Variants in PTPN4 observed in about 807,000 individuals in gnomAD.
PTPN4 encodes protein tyrosine phosphatase non-receptor type 4.
A neutral mutation model predicts 135.5 loss-of-function variants in PTPN4; 49 were observed. That is an observed-to-expected ratio of 0.36 (90% CI 0.29 to 0.46). The LOEUF (loss-of-function observed/expected upper bound fraction) is 0.46. PTPN4 is among the 20% of genes least tolerant of loss of function. The pLI, the probability that PTPN4 is intolerant of heterozygous loss-of-function variation, is 1.00. For synonymous variants in PTPN4, 333 were observed against 369.9 expected, an observed-to-expected ratio of 0.90 and a Z score of 1.14; for missense variants, 860 against 1,101.0, an observed-to-expected ratio of 0.78 and a Z score of 3.10.
chr2:119,958,797 T>C (rs1237481349), intron 22 of PTPN4, among the ~76,000 whole-genome samples: 2 of 152,206 alleles, frequency 1.3e-5, no homozygotes, highest in East Asian at 1.9e-4. Flanking sequence ...ATTTAACTCA[T>C]AGTCAACAGC....
chr2:119,843,065 TTGTC>T (rs1416788496), intron 2 of PTPN4, among the ~76,000 whole-genome samples: 2 of 152,232 alleles, frequency 1.3e-5, no homozygotes, highest in African/African-American at 4.8e-5. Flanking sequence ...AAAATGATTC[TTGTC>T]TGTCTATTGA....
intron 1 of PTPN4, among the ~76,000 whole-genome samples, chr2:119,801,917 T>TTC (rs1425432246): frequency 2.0e-5 from 3 of 148,716 alleles, no homozygotes; most frequent in Non-Finnish European, 4.5e-5. Context: ...TTTTTTTTTT[T>TTC]TTTGAGGCAG....
intron 9 of PTPN4, among the ~76,000 whole-genome samples, chr2:119,900,251 G>A (rs917064232): frequency 6.6e-6 from 1 of 151,908 alleles, no homozygotes; most frequent in Non-Finnish European, 1.5e-5. Flanking sequence ...TTAGTTATAG[G>A]ACGTCTCATT....
At chr2:119,945,033 C>T (rs780461555) in intron 15 of PTPN4, 48 bp from the exon 16 acceptor site, 2 of 1,535,240 alleles carry the variant, frequency 1.3e-6, no homozygotes, top group East Asian at 2.4e-5. Context: ...TTGACCCTAA[C>T]TTTTAAAAAA....
chr2:119,977,067 A>T lies in PTPN4; in HGVS notation c.2778A>T (p.Lys926Asn). 1 of 1,595,832 alleles carries T rather than the reference A, an allele frequency of 6.3e-7. No homozygotes were observed. The highest frequency in any genetic ancestry group is 8.5e-7 in the Non-Finnish European group (1 of 1,174,924). Residue 926 changes from lysine to asparagine, a missense_variant, in exon 27 of 27, where the codon AAA becomes AAT. Transcript: ENST00000263708. ...FVKPLTTSTN[K>N] is the part of the protein sequence containing the mutation. ...AACCCTTAACAACATCAACAAATAA[A>T]TAAGAAAGCAAAAAGATCTGGGATA... is the stretch of plus-strand genomic sequence containing the variant.
intron 18 of PTPN4, among the ~76,000 whole-genome samples, chr2:119,948,947 CTTATAA>C (rs1387205791): frequency 5.9e-5 from 9 of 151,862 alleles, no homozygotes; most frequent in South Asian, 4.2e-4. Flanking sequence ...ATATATTGCT[CTTATAA>C]TTAGAAAAGA....
intron 2 of PTPN4, among the ~76,000 whole-genome samples, chr2:119,830,860 C>T (rs1312393865): frequency 6.6e-6 from 1 of 152,152 alleles, no homozygotes; most frequent in Non-Finnish European, 1.5e-5. Context: ...TCCCCAGAAG[C>T]CAAGCAGATG....
At chr2:119,955,791 G>A (rs1388917201) in intron 20 of PTPN4, among the ~76,000 whole-genome samples, 22 of 151,960 alleles carry the variant, frequency 1.4e-4, no homozygotes, top group Admixed American at 1.4e-3. Context: ...CAAAAAATTA[G>A]CCGGGTGTGG....
At chr2:119,976,199 G>C (rs1163281162) in intron 26 of PTPN4, among the ~76,000 whole-genome samples, 1 of 151,572 alleles carries the variant, frequency 6.6e-6, no homozygotes, top group Non-Finnish European at 1.5e-5. Flanking sequence ...GGGTTTCACC[G>C]TGTTAGCCAG....
chr2:119,865,844 G>A (rs1677826842), intron 3 of PTPN4, among the ~76,000 whole-genome samples: 1 of 152,022 alleles, frequency 6.6e-6, no homozygotes, highest in African/African-American at 2.4e-5. Context: ...ATGTAATTGA[G>A]TTTATAATTG....
intron 1 of PTPN4, among the ~76,000 whole-genome samples, chr2:119,792,142 A>G (rs1475646512): frequency 1.3e-5 from 2 of 152,224 alleles, no homozygotes; most frequent in Admixed American, 6.5e-5. Context: ...GGAAATTGAG[A>G]TGTCATTTTT....
At chr2:119,852,555 T>G (rs1421183644) in intron 2 of PTPN4, among the ~76,000 whole-genome samples, 1 of 152,248 alleles carries the variant, frequency 6.6e-6, no homozygotes. Context: ...TATTTTAGTC[T>G]TGTTTGAGGT....
intron 11 of PTPN4, among the ~76,000 whole-genome samples, chr2:119,917,606 T>C (rs1042742160): frequency 1.3e-5 from 2 of 152,108 alleles, no homozygotes; most frequent in African/African-American, 2.4e-5. Flanking sequence ...GGCACACACC[T>C]GTATTTCCCG....
intron 1 of PTPN4, among the ~76,000 whole-genome samples, chr2:119,762,831 G>T (rs1364952541): frequency 6.6e-6 from 1 of 152,066 alleles, no homozygotes; most frequent in East Asian, 1.9e-4. Context: ...GAATTTTGTT[G>T]TTTTCCTGGG....
At chr2:119,823,254 A>C (rs999522046) in intron 2 of PTPN4, among the ~76,000 whole-genome samples, 20 of 137,294 alleles carry the variant, frequency 1.5e-4, no homozygotes, top group African/African-American at 1.9e-4. Flanking sequence ...TTTTTTTTGG[A>C]GACGCAGTCT....
intron 26 of PTPN4, among the ~76,000 whole-genome samples, chr2:119,968,240 G>C (rs1374261608): frequency 1.3e-5 from 2 of 152,108 alleles, no homozygotes; most frequent in Non-Finnish European, 2.9e-5. Flanking sequence ...TTTAGAAGTT[G>C]CAACAGTACC....
intron 1 of PTPN4, among the ~76,000 whole-genome samples, chr2:119,764,814 G>A (rs1389056927): frequency 1.3e-5 from 2 of 152,092 alleles, no homozygotes; most frequent in Non-Finnish European, 2.9e-5. Flanking sequence ...CTGTAACAAC[G>A]TTTACCCTTG....
chr2:119,807,871 T>C lies in PTPN4; in HGVS notation c.-17-1966T>C, dbSNP rs548260547. 2.6e-5 allele frequency among the ~76,000 whole-genome samples: 4 copies of C among 152,164 alleles called. No homozygotes were observed. In the South Asian group the frequency reaches 8.3e-4, roughly 32 times the overall value. On this transcript the variant is annotated intron_variant, in intron 1 of 26. Transcript: ENST00000263708. Reference sequence around the variant, plus strand: ...ATCTAGGAGCATATCAGAAAGCTTATCCCCCAAGATCAAGTCGGCTTCATC... The same window carrying C: ...ATCTAGGAGCATATCAGAAAGCTTACCCCCCAAGATCAAGTCGGCTTCATC...
At chr2:119,828,080 C>T (rs1677170889) in intron 2 of PTPN4, among the ~76,000 whole-genome samples, 1 of 152,218 alleles carries the variant, frequency 6.6e-6, no homozygotes, top group Non-Finnish European at 1.5e-5. Flanking sequence ...AACACACACT[C>T]TTGGGGACAG....
Sources: gnomAD v4.1 joint callset for allele counts (sites outside exome capture counted in the v4.1 genomes callset) on GRCh38, gnomAD v4.1.1 for gene constraint, MANE v1.5 for transcripts, NCBI Gene and HGNC (gene_info 2026-07-23, HGNC 2026-07-21) for gene names.